XPO7: variants seen among roughly 807,000 people sequenced by gnomAD.
The protein encoded by XPO7 is exportin-7.
XPO7 carries 21 observed loss-of-function variants against 144.3 expected under a neutral mutation model. The ratio of observed to expected loss-of-function variants is 0.15; its 90% CI spans 0.10 to 0.21. The LOEUF (loss-of-function observed/expected upper bound fraction) is 0.21. Among genes scored for constraint, XPO7 ranks in the 10% least tolerant of loss-of-function variants. The pLI is 1.00. For missense variants in XPO7, 808 were observed against 1,325.8 expected (o/e 0.61, Z 6.06); for synonymous variants, 580 against 499.6 (o/e 1.16, Z -2.15).
At chr8:21,944,026 A>C (rs1264690671) in intron 1 of XPO7, among the ~76,000 whole-genome samples, 1 of 152,222 alleles carries the variant, frequency 6.6e-6, no homozygotes, top group Non-Finnish European at 1.5e-5. Flanking sequence ...GAATACCCTC[A>C]TATACATGAG....
rs1585483324 is a variant in XPO7 at position 21,998,697 on chromosome 8, A to T, written c.2346-58A>T. The T allele has an allele frequency of 4.8e-6, 7 of 1,472,664 alleles. No individual in the cohort carries two copies. In the East Asian group the frequency reaches 1.6e-4, roughly 33 times the overall value. The allele number at this position is 1,472,664 out of a possible 1,614,324, so 91.2% of individuals were successfully genotyped here. A position where few individuals can be genotyped will look rare whatever the true frequency, so the allele number is the denominator to read the frequency against. On this transcript the variant is annotated intron_variant, in intron 21 of 27. Transcript: ENST00000252512. ...AGGTACTCAGATGAGAGCCTCAAGT[A>T]CCCCAGTCTTCCAAGAAAACACCTC...
At chr8:21,995,372 A>C in intron 20 of XPO7, 120 bp from the exon 21 acceptor site, 3 of 755,370 alleles carry the variant, frequency 4.0e-6, no homozygotes, top group Non-Finnish European at 6.4e-6. Context: ...TTAGCAAGCA[A>C]GAGACAGGAA....
rs1338762433 is a variant in XPO7 at position 21,987,848 on chromosome 8, T to C, written c.1778T>C (p.Ile593Thr). Residue 593 changes from isoleucine to threonine, a missense_variant, in exon 15 of 28, where the codon ATA (isoleucine) becomes ACA (threonine). Ile to Thr is a moderately conservative substitution (Grantham distance 89). This residue lies in a region of XPO7 where 416 missense variants were observed against 612.5 expected (regional missense o/e 0.68). Transcript: ENST00000252512. ...NDETMVLSVF[I>T]GKIITNLKYW... is the part of the protein sequence containing the mutation. ...GAGACCATGGTCCTAAGCGTCTTCA[T>C]AGGAAAAATGTAAGTGTTTCAGCTT... is the stretch of plus-strand genomic sequence containing the variant. 1 of 1,613,626 alleles carries C rather than the reference T, an allele frequency of 6.2e-7. No individual in the cohort carries two copies.
chr8:21,973,941 A>G (rs1189627767), intron 5 of XPO7, among the ~76,000 whole-genome samples: 2 of 152,246 alleles, frequency 1.3e-5, no homozygotes, highest in Non-Finnish European at 2.9e-5. Flanking sequence ...GAAATAGGTT[A>G]GAAAAGGAGG....
chr8:21,956,330 A>G (rs1191133685), intron 1 of XPO7, among the ~76,000 whole-genome samples: 1 of 152,190 alleles, frequency 6.6e-6, no homozygotes, highest in African/African-American at 2.4e-5. Flanking sequence ...CTCTCTGCTA[A>G]AAGCAGCATA....
chr8:22,002,524 C>T (rs1813185471), intron 25 of XPO7, among the ~76,000 whole-genome samples: 1 of 152,166 alleles, frequency 6.6e-6, no homozygotes, highest in South Asian at 2.1e-4. Context: ...GTCTCATGAT[C>T]ACTATCCTCT....
At chr8:21,991,705 A>G (rs1812778757) in intron 18 of XPO7, 163 bp from the exon 19 acceptor site, 1 of 508,104 alleles carries the variant, frequency 2.0e-6, no homozygotes. Flanking sequence ...TTCTGTTTCT[A>G]TATATACATG....
intron 1 of XPO7, 99 bp downstream of exon 1, chr8:21,919,887 G>A: frequency 3.5e-6 from 1 of 288,526 alleles, no homozygotes; most frequent in Non-Finnish European, 6.6e-6. Flanking sequence ...TCGGGACTCG[G>A]CAGGCCCGCG....
At chr8:21,922,363 T>G (rs552816217) in intron 1 of XPO7, among the ~76,000 whole-genome samples, 2 of 152,332 alleles carry the variant, frequency 1.3e-5, no homozygotes, top group Admixed American at 1.3e-4. Flanking sequence ...CTGTTGATGT[T>G]ACAGGCAAGT....
Position 21,966,871 on chromosome 8 carries a change from A to G in XPO7, c.33A>G (p.Leu11=). Residue 11 remains leucine (L), a synonymous_variant, in exon 2 of 28, where the codon CTA becomes CTG. Transcript: ENST00000252512. ...ATCTTTTCCAGAGCCTGGCCCAACT[A>G]GAGAATCTGTGCAAACAGCTGTATG... The part of the protein sequence containing the change: MADHVQSLAQ[L]ENLCKQLYET... 1 of 1,613,176 alleles carries G rather than the reference A, an allele frequency of 6.2e-7. No individual in the cohort carries two copies.
intron 1 of XPO7, among the ~76,000 whole-genome samples, chr8:21,962,402 T>C (rs1585444609): frequency 6.6e-6 from 1 of 152,356 alleles, no homozygotes; most frequent in Non-Finnish European, 1.5e-5. Context: ...TGTTTTTGTT[T>C]TTGTTTTTTT....
At chr8:21,969,441 A>T in intron 2 of XPO7, 42 bp from the exon 3 acceptor site, 5 of 1,529,862 alleles carry the variant, frequency 3.3e-6, no homozygotes, top group Non-Finnish European at 3.6e-6. Context: ...TGACTGGCTT[A>T]CTCAATACAA....
At chr8:21,984,618 G>C (rs372828153) in intron 11 of XPO7, 28 bp from the exon 12 acceptor site, 71 of 1,574,406 alleles carry the variant, frequency 4.5e-5, no homozygotes, top group Non-Finnish European at 6.0e-5. Flanking sequence ...TTTTAAGAGA[G>C]CTGCCTTCCT....
At chr8:21,966,448 CT>C in intron 1 of XPO7, 1 of 597,256 alleles carries the variant, frequency 1.7e-6, no homozygotes, top group Non-Finnish European at 3.0e-6. Flanking sequence ...GTGTGTGGTA[CT>C]TATATCATGT....
intron 1 of XPO7, among the ~76,000 whole-genome samples, chr8:21,960,898 A>G: frequency 6.6e-6 from 1 of 152,370 alleles, no homozygotes; most frequent in African/African-American, 2.4e-5. Flanking sequence ...ATCGATGACA[A>G]TAAGTAACTA....
intron 1 of XPO7, among the ~76,000 whole-genome samples, chr8:21,960,012 A>G (rs1361384476): frequency 1.3e-5 from 2 of 152,176 alleles, no homozygotes; most frequent in Non-Finnish European, 2.9e-5. Flanking sequence ...CATGCATGAC[A>G]CTTTTTAAGT....
At chr8:21,965,381 G>C (rs749185719) in intron 1 of XPO7, among the ~76,000 whole-genome samples, 4 of 152,092 alleles carry the variant, frequency 2.6e-5, no homozygotes, top group African/African-American at 9.7e-5. Context: ...TAAGCCATGT[G>C]AATAAACTCA....
At chr8:21,970,421 A>G (rs2117332000) in intron 4 of XPO7, 111 bp downstream of exon 4, 1 of 1,071,174 alleles carries the variant, frequency 9.3e-7, no homozygotes, top group South Asian at 1.9e-5. Context: ...CTTTTTAAAC[A>G]TGACACAAAA....
intron 1 of XPO7, among the ~76,000 whole-genome samples, chr8:21,946,146 A>G (rs1032573359): frequency 6.6e-6 from 1 of 152,310 alleles, no homozygotes; most frequent in East Asian, 1.9e-4. Flanking sequence ...AAAAGCCACC[A>G]TAGAAGAGAT....
Sources: gnomAD v4.1 joint callset for allele counts (sites outside exome capture counted in the v4.1 genomes callset) on GRCh38, gnomAD v4.1.1 for gene constraint, gnomAD v4.1.1 regional missense constraint, MANE v1.5 for transcripts, NCBI Gene and HGNC (gene_info 2026-07-23, HGNC 2026-07-21) for gene names.